Variants in DENND1A observed in about 807,000 individuals in gnomAD.
DENND1A encodes the protein DENN domain-containing protein 1A.
Under a neutral mutation model 113.7 loss-of-function variants are expected in DENND1A, and 51 were observed. The observed-to-expected ratio is 0.45, with a 90% CI of 0.36 to 0.57. The LOEUF (loss-of-function observed/expected upper bound fraction) is 0.57, where lower values mean the gene tolerates loss of function less well. Among genes scored for constraint, DENND1A ranks in the 20% least tolerant of loss-of-function variants. DENND1A has a pLI of 0.00. For missense variants in DENND1A, 1,258 were observed against 1,395.9 expected, an observed-to-expected ratio of 0.90 and a Z score of 1.57; for synonymous variants, 565 against 570.8, an observed-to-expected ratio of 0.99 and a Z score of 0.14.
At chr9:123,674,698 G>A (rs374889234) in intron 6 of DENND1A, among the ~76,000 whole-genome samples, 9 of 152,158 alleles carry the variant, frequency 5.9e-5, no homozygotes, top group Non-Finnish European at 1.0e-4. Flanking sequence ...TGAAGCAATC[G>A]CCCAGAGGAA....
chr9:123,901,611 T>A (rs1851634035), intron 1 of DENND1A, among the ~76,000 whole-genome samples: 1 of 152,184 alleles, frequency 6.6e-6, no homozygotes, highest in Admixed American at 6.5e-5. Context: ...TTCTGCCACG[T>A]CTTTCTCTCA....
intron 13 of DENND1A, among the ~76,000 whole-genome samples, chr9:123,542,579 T>C (rs2056367856): frequency 6.6e-6 from 1 of 152,076 alleles, no homozygotes; most frequent in African/African-American, 2.4e-5. Flanking sequence ...GCACACTGAG[T>C]TCCCTGGGCT....
chr9:123,686,242 G>A (rs1180073319), intron 5 of DENND1A, among the ~76,000 whole-genome samples: 1 of 152,178 alleles, frequency 6.6e-6, no homozygotes, highest in African/African-American at 2.4e-5. Context: ...TGAGAAAATT[G>A]AGTCGTAGAG....
intron 19 of DENND1A, 84 bp downstream of exon 19, chr9:123,440,276 A>G: frequency 6.9e-7 from 1 of 1,442,330 alleles, no homozygotes; most frequent in Non-Finnish European, 9.2e-7. Flanking sequence ...GAAATGAAAA[A>G]CCGTCTGCTG....
At chr9:123,733,672 T>TA (rs2068350951) in intron 5 of DENND1A, among the ~76,000 whole-genome samples, 1 of 146,812 alleles carries the variant, frequency 6.8e-6, no homozygotes, top group African/African-American at 2.5e-5. Flanking sequence ...TGTTGGTTAT[T>TA]TTTTTTTTTT....
chr9:123,674,943 T>C (rs2063979465), intron 6 of DENND1A, among the ~76,000 whole-genome samples: 1 of 152,124 alleles, frequency 6.6e-6, no homozygotes, highest in African/African-American at 2.4e-5. Flanking sequence ...ATTCTGTTTA[T>C]TAAAGACACC....
intron 13 of DENND1A, among the ~76,000 whole-genome samples, chr9:123,536,274 A>AACATT (rs1167789850): frequency 2.6e-5 from 4 of 152,166 alleles, no homozygotes; most frequent in Non-Finnish European, 5.9e-5. Flanking sequence ...GTTCAAGACC[A>AACATT]GCCTGGCCAA....
At chr9:123,698,069 A>C (rs894514768) in intron 5 of DENND1A, among the ~76,000 whole-genome samples, 6 of 152,222 alleles carry the variant, frequency 3.9e-5, no homozygotes, top group African/African-American at 1.4e-4. Context: ...TTATCATATC[A>C]TACAGAATAA....
At chr9:123,713,073 C>T (rs971679009) in intron 5 of DENND1A, among the ~76,000 whole-genome samples, 4 of 152,088 alleles carry the variant, frequency 2.6e-5, no homozygotes, top group African/African-American at 7.2e-5. Context: ...ACGATGCCAA[C>T]GAGAATATTT....
intron 13 of DENND1A, among the ~76,000 whole-genome samples, chr9:123,499,019 C>G (rs948188742): frequency 3.4e-4 from 51 of 151,270 alleles, no homozygotes; most frequent in African/African-American, 1.2e-3. Flanking sequence ...CACTGTGCCC[C>G]GCCTTTTTAA....
chr9:123,617,723 G>A (rs982948316), intron 10 of DENND1A, among the ~76,000 whole-genome samples: 2 of 152,184 alleles, frequency 1.3e-5, no homozygotes, highest in African/African-American at 2.4e-5. Context: ...ACAGAGCAAA[G>A]GTCAGGAGAC....
chr9:123,509,617 G>A (rs1336767476), intron 13 of DENND1A, among the ~76,000 whole-genome samples: 1 of 152,198 alleles, frequency 6.6e-6, no homozygotes, highest in Non-Finnish European at 1.5e-5. Context: ...ACTCTTGGGT[G>A]GCACCAAGCA....
chr9:123,490,687 A>C (rs1162894032), intron 13 of DENND1A, among the ~76,000 whole-genome samples: 1 of 152,062 alleles, frequency 6.6e-6, no homozygotes, highest in African/African-American at 2.4e-5. Context: ...AAAAAAAAAC[A>C]AGGTAAATTA....
intron 7 of DENND1A, among the ~76,000 whole-genome samples, chr9:123,668,267 G>A (rs887774920): frequency 2.0e-5 from 3 of 152,144 alleles, no homozygotes; most frequent in African/African-American, 7.2e-5. Flanking sequence ...CCCCACTCTT[G>A]GGTGATTGCA....
At chr9:123,463,023 G>C (rs1003030564) in intron 13 of DENND1A, among the ~76,000 whole-genome samples, 1 of 152,166 alleles carries the variant, frequency 6.6e-6, no homozygotes. Context: ...ATGGAGAAGA[G>C]TAAGGCAAGG....
chr9:123,878,874 T>C, intron 2 of DENND1A, 77 bp downstream of exon 2: 1 of 1,420,708 alleles, frequency 7.0e-7, no homozygotes, highest in East Asian at 2.3e-5. Flanking sequence ...TTTACTCATA[T>C]TCACATATTA....
At chr9:123,601,509 G>C (rs2059933140) in intron 11 of DENND1A, among the ~76,000 whole-genome samples, 1 of 152,174 alleles carries the variant, frequency 6.6e-6, no homozygotes, top group African/African-American at 2.4e-5. Flanking sequence ...CTTCTGGATG[G>C]TACGAGACTC....
intron 2 of DENND1A, among the ~76,000 whole-genome samples, chr9:123,870,026 A>T (rs992100715): frequency 2.7e-5 from 4 of 147,038 alleles, no homozygotes; most frequent in African/African-American, 7.7e-5. Context: ...AAAAAAAAAG[A>T]ATCAGGGCCC....
intron 5 of DENND1A, among the ~76,000 whole-genome samples, chr9:123,750,590 A>G (rs1181976714): frequency 6.6e-6 from 1 of 152,246 alleles, no homozygotes; most frequent in Non-Finnish European, 1.5e-5. Flanking sequence ...CCTTCTGCCA[A>G]CTGACCATCC....
Sources: allele counts gnomAD v4.1 joint callset (sites outside exome capture counted in the v4.1 genomes callset), GRCh38; gene constraint gnomAD v4.1.1; transcripts MANE v1.5; gene names NCBI Gene and HGNC (gene_info 2026-07-23, HGNC 2026-07-21).